The following ME3 variants were observed in gnomAD, a reference collection of about 807,000 sequenced individuals.
ME3 encodes NADP-dependent malic enzyme, mitochondrial.
ME3 carries 48 observed loss-of-function variants against 68.9 expected under a neutral mutation model. That is an observed-to-expected ratio of 0.70 (90% CI 0.55 to 0.89). ME3 has a LOEUF of 0.89. Ranked by LOEUF, ME3 falls within the 40% of genes least tolerant of loss-of-function variation. The pLI, the probability that ME3 is intolerant of heterozygous loss-of-function variation, is 0.00. For synonymous variants in ME3, 320 were observed against 318.8 expected, an observed-to-expected ratio of 1.00 and a Z score of -0.04; for missense variants, 675 against 797.4, an observed-to-expected ratio of 0.85 and a Z score of 1.85.
chr11:86,462,496 G>A, intron 8 of ME3: 1 of 916,812 alleles, frequency 1.1e-6, no homozygotes, highest in South Asian at 5.0e-5. Context: ...TCAAGGGTCA[G>A]CTGTACATGA....
rs566207601 is a variant in ME3 at position 86,441,527 on chromosome 11, T to C, written c.1654-87A>G. ...TGCTTGGGAGCATGGGGGAGGGGAA[T>C]ACACCTTAAGGAACCAGACTTGTTT... On this transcript the variant is annotated intron_variant, in intron 14 of 14. Transcript: ENST00000543262. 13 of 1,314,516 alleles carry C rather than the reference T, an allele frequency of 9.9e-6. 1 individual carries two copies. The South Asian group carries it at 1.8e-4, about 18-fold the overall frequency. 81.4% of individuals were successfully genotyped at this position (1,314,516 alleles called of 1,614,324 possible).
chr11:86,447,179 C>T (rs749644334), exon 12 of ME3: 51 of 1,613,994 alleles, frequency 3.2e-5, no homozygotes, highest in Admixed American at 8.3e-5. Context: ...GAATCTGCTC[C>T]GTGAAGGCTC....
intron 2 of ME3, among the ~76,000 whole-genome samples, chr11:86,647,811 G>A (rs12575580): frequency 0.052 from 7,968 of 152,186 alleles, 295 homozygotes; most frequent in East Asian, 0.1. Flanking sequence ...AATAGTGGGA[G>A]ACTTTAACAC....
At chr11:86,604,634 A>G (rs1361513727) in intron 2 of ME3, among the ~76,000 whole-genome samples, 10 of 152,330 alleles carry the variant, frequency 6.6e-5, no homozygotes, top group Admixed American at 5.9e-4. Context: ...GTTTATATCT[A>G]TAACTCAATT....
At chr11:86,600,496 A>C (rs1018619927) in intron 2 of ME3, among the ~76,000 whole-genome samples, 5 of 150,868 alleles carry the variant, frequency 3.3e-5, no homozygotes, top group African/African-American at 1.2e-4. Context: ...CCCACACAAT[A>C]ATAATGGGAG....
chr11:86,497,671 A>G (rs1328099696), intron 6 of ME3, among the ~76,000 whole-genome samples: 1 of 152,144 alleles, frequency 6.6e-6, no homozygotes, highest in African/African-American at 2.4e-5. Context: ...AATGGGGGTC[A>G]GAGAGGAAGG....
chr11:86,598,665 C>A (rs1163833254), intron 2 of ME3, among the ~76,000 whole-genome samples: 1 of 152,232 alleles, frequency 6.6e-6, no homozygotes, highest in Admixed American at 6.5e-5. Flanking sequence ...GGTCTCTGAC[C>A]CCGACCCCCA....
At chr11:86,612,335 T>G (rs945671112) in intron 2 of ME3, among the ~76,000 whole-genome samples, 2 of 152,220 alleles carry the variant, frequency 1.3e-5, no homozygotes, top group Non-Finnish European at 1.5e-5. Flanking sequence ...GGGTTGGTTC[T>G]ATGTCTTTGC....
At position 86,603,713 on chromosome 11, in the gene ME3, A is replaced by T. The variant is rs527973706; in HGVS notation, c.184-43890T>A. ...ACCAACCCAAATGTCCAACAATGAT[A>T]GACTAGATTAAGAAAATGTGGCACA... On this transcript the variant is annotated intron_variant, in intron 2 of 14. Transcript: ENST00000543262. 3.9e-5 allele frequency among the ~76,000 whole-genome samples: 6 copies of T among 152,198 alleles called. No homozygotes were observed. In the South Asian group the frequency reaches 1.2e-3, roughly 32 times the overall value.
intron 7 of ME3, among the ~76,000 whole-genome samples, chr11:86,472,971 G>A (rs996331697): frequency 2.0e-5 from 3 of 152,194 alleles, no homozygotes; most frequent in African/African-American, 4.8e-5. Context: ...TCTAACGAAC[G>A]TGTTCATGAA....
chr11:86,596,082 T>G (rs988661044), intron 2 of ME3, among the ~76,000 whole-genome samples: 4 of 152,266 alleles, frequency 2.6e-5, no homozygotes, highest in African/African-American at 9.6e-5. Context: ...ATTTTTCCCT[T>G]GACAACTCAC....
chr11:86,596,783 G>C (rs948452231), intron 2 of ME3, among the ~76,000 whole-genome samples: 1 of 152,202 alleles, frequency 6.6e-6, no homozygotes, highest in Non-Finnish European at 1.5e-5. Context: ...CTTATTCTAT[G>C]TGTAACTCAT....
intron 2 of ME3, among the ~76,000 whole-genome samples, chr11:86,667,393 G>A (rs768261555): frequency 2.0e-5 from 3 of 152,200 alleles, no homozygotes; most frequent in African/African-American, 4.8e-5. Flanking sequence ...AGTCTGGGAA[G>A]ATGAGAGTCA....
intron 2 of ME3, among the ~76,000 whole-genome samples, chr11:86,591,347 A>G (rs569449676): frequency 1.2e-4 from 19 of 152,332 alleles, no homozygotes; most frequent in African/African-American, 3.6e-4. Flanking sequence ...ACCTCACAAT[A>G]TGATTGTATT....
chr11:86,507,929 A>T (rs1378824103), intron 5 of ME3, among the ~76,000 whole-genome samples: 1 of 151,648 alleles, frequency 6.6e-6, no homozygotes, highest in East Asian at 1.9e-4. Context: ...AGGTTGCAAT[A>T]ATCTGTGACT....
chr11:86,479,663 A>G (rs749987167), intron 7 of ME3, among the ~76,000 whole-genome samples: 5 of 152,146 alleles, frequency 3.3e-5, no homozygotes, highest in East Asian at 1.9e-4. Context: ...TTTCTTCCCA[A>G]TCATCCCTGA....
intron 4 of ME3, among the ~76,000 whole-genome samples, chr11:86,526,055 C>T (rs548834060): frequency 2.0e-4 from 31 of 152,242 alleles, no homozygotes; most frequent in East Asian, 5.8e-4. Flanking sequence ...GAGCATGAGC[C>T]GAAGCAGGGC....
downstream of ME3, chr11:86,441,059 C>A: frequency 2.7e-6 from 1 of 368,114 alleles, no homozygotes. Context: ...TGAAGAAATG[C>A]TTAGGAAGGA....
Position 86,498,139 on chromosome 11 carries a change from G to T in ME3, c.544-15C>A, listed in dbSNP as rs770931334. On this transcript the variant is annotated splice_polypyrimidine_tract_variant and intron_variant, in intron 5 of 14. Transcript: ENST00000543262. ...ACCACCACGGCCTGAAAAACAGCAG[G>T]GCACCATCAATCAGGGACAGCACTT... 2 of 1,603,780 alleles carry T rather than the reference G, an allele frequency of 1.2e-6. No homozygotes were observed. Among genetic ancestry groups the T allele is most frequent in the South Asian group, 2.2e-5 (2 of 89,584 alleles).
Sources: gnomAD v4.1 joint callset for allele counts (sites outside exome capture counted in the v4.1 genomes callset) on GRCh38, gnomAD v4.1.1 for gene constraint, MANE v1.5 for transcripts, NCBI Gene and HGNC (gene_info 2026-07-23, HGNC 2026-07-21) for gene names.